The following GRAMD1C variants were observed in gnomAD, a reference collection of about 807,000 sequenced individuals.
GRAMD1C encodes the protein GRAM domain containing 1C.
A neutral mutation model predicts 97.8 loss-of-function variants in GRAMD1C; 89 were observed. The observed-to-expected ratio is 0.91, with a 90% confidence interval of 0.77 to 1.09. GRAMD1C has a LOEUF of 1.09. Among genes scored for constraint, GRAMD1C ranks in the 50% least tolerant of loss-of-function variants. GRAMD1C has a pLI of 0.00. For synonymous variants in GRAMD1C, 256 were observed against 267.0 expected (o/e 0.96, Z 0.40); for missense variants, 740 against 766.4 (o/e 0.97, Z 0.41).
chr3:113,888,081 T>C (rs975911327), intron 6 of GRAMD1C, among the ~76,000 whole-genome samples: 34 of 152,218 alleles, frequency 2.2e-4, no homozygotes, highest in African/African-American at 7.9e-4. Flanking sequence ...ACACCAATCC[T>C]TCACCCAGTA....
chr3:113,915,971 T>G (rs1311390339), intron 10 of GRAMD1C, 133 bp downstream of exon 10: 2 of 661,174 alleles, frequency 3.0e-6, no homozygotes, highest in African/African-American at 3.7e-5. Context: ...GTTGACAGTA[T>G]ATAAACTGGT....
intron 6 of GRAMD1C, chr3:113,885,562 G>C (rs907542226): frequency 3.2e-6 from 5 of 1,575,612 alleles, no homozygotes; most frequent in Admixed American, 3.3e-5. Flanking sequence ...CGGCCTGTTA[G>C]GCCTCCTGAC....
At chr3:113,934,618 A>C in intron 13 of GRAMD1C, 83 bp downstream of exon 13, 1 of 681,864 alleles carries the variant, frequency 1.5e-6, no homozygotes, top group Non-Finnish European at 2.5e-6. Flanking sequence ...TAGATTTGTA[A>C]CAGAAAACTG....
chr3:113,937,186 A>T (rs967427795), intron 14 of GRAMD1C, among the ~76,000 whole-genome samples: 1 of 152,216 alleles, frequency 6.6e-6, no homozygotes, highest in African/African-American at 2.4e-5. Flanking sequence ...TTTTGAACAC[A>T]TCTTACTTTT....
Position 113,882,814 on chromosome 3 carries a change from G to A in GRAMD1C, c.522G>A (p.Gln174=), listed in dbSNP as rs140062638. 8.1e-5 allele frequency: 127 copies of A among 1,571,018 alleles called. No homozygotes were observed. The African/African-American group carries it at 1.4e-3, about 18-fold the overall frequency. The change falls in exon 6 of 18, where the codon CAG becomes CAA. Residue 174 remains glutamine (Q), a synonymous_variant. Coordinates refer to ENST00000358160, the MANE Select transcript of GRAMD1C (RefSeq NM_017577.5). ...RSYLSIFRLW[Q]NVLLDKSLTR... ...ACCTCAGTATCTTTAGGTTGTGGCAGAATGTATTATTAGATAAGGTAAGTG... is the reference window on the plus strand; with the variant it reads ...ACCTCAGTATCTTTAGGTTGTGGCAAAATGTATTATTAGATAAGGTAAGTG...
chr3:113,885,580 T>C, intron 6 of GRAMD1C: 6 of 1,548,754 alleles, frequency 3.9e-6, no homozygotes, highest in Non-Finnish European at 5.4e-6. Flanking sequence ...GACTTCATCC[T>C]CAAGGTGGTA....
At chr3:113,867,628 T>A (rs1934635703) in intron 2 of GRAMD1C, among the ~76,000 whole-genome samples, 1 of 152,102 alleles carries the variant, frequency 6.6e-6, no homozygotes, top group South Asian at 2.1e-4. Flanking sequence ...GTAAAGCAGG[T>A]CTGTTCTCTC....
chr3:113,930,497 T>A (rs12632122), intron 10 of GRAMD1C, among the ~76,000 whole-genome samples: 27,582 of 152,132 alleles, frequency 0.18, 2,705 homozygotes, highest in South Asian at 0.25. Flanking sequence ...AATTTAGAAA[T>A]AAATGGATCA....
At chr3:113,944,937 A>G (rs937100705) in intron 17 of GRAMD1C, among the ~76,000 whole-genome samples, 1 of 152,244 alleles carries the variant, frequency 6.6e-6, no homozygotes, top group African/African-American at 2.4e-5. Flanking sequence ...AGTAGTAAGG[A>G]TAATGCTTTG....
chr3:113,887,607 A>G (rs962299053), intron 6 of GRAMD1C, among the ~76,000 whole-genome samples: 4 of 128,734 alleles, frequency 3.1e-5, no homozygotes. Context: ...AGGCTGAGGC[A>G]GGAGAAAGGA....
At chr3:113,934,298 C>T (rs899702135) in intron 12 of GRAMD1C, 134 bp from the exon 13 acceptor site, 9 of 563,788 alleles carry the variant, frequency 1.6e-5, no homozygotes, top group East Asian at 6.5e-5. Flanking sequence ...TCAATGAACA[C>T]ATTTTCTTTT....
intron 5 of GRAMD1C, among the ~76,000 whole-genome samples, chr3:113,877,597 G>A (rs535552034): frequency 6.6e-6 from 1 of 152,138 alleles, no homozygotes; most frequent in Non-Finnish European, 1.5e-5. Flanking sequence ...AATTTAGGTT[G>A]TGTAATTTTG....
intron 6 of GRAMD1C, among the ~76,000 whole-genome samples, chr3:113,891,736 A>C (rs1935733535): frequency 6.6e-6 from 1 of 151,866 alleles, no homozygotes; most frequent in South Asian, 2.1e-4. Context: ...AGTTAAAAAA[A>C]ATTAGCTAGG....
chr3:113,893,192 A>G (rs1485229287), intron 6 of GRAMD1C, among the ~76,000 whole-genome samples: 1 of 152,096 alleles, frequency 6.6e-6, no homozygotes, highest in Non-Finnish European at 1.5e-5. Flanking sequence ...CGAACCCTGA[A>G]CAGTACTACA....
At chr3:113,848,742 G>A (rs1471980670) in intron 2 of GRAMD1C, among the ~76,000 whole-genome samples, 1 of 152,154 alleles carries the variant, frequency 6.6e-6, no homozygotes, top group South Asian at 2.1e-4. Flanking sequence ...AGGATTTGAG[G>A]TTATGGTGCG....
At chr3:113,872,612 C>G (rs1482078428) in intron 3 of GRAMD1C, among the ~76,000 whole-genome samples, 3 of 150,096 alleles carry the variant, frequency 2.0e-5, no homozygotes, top group Admixed American at 1.3e-4. Flanking sequence ...CCAGGCTGGT[C>G]TTGAACTCCT....
rs753696296 is a variant in GRAMD1C at position 113,844,536 on chromosome 3, G to C, written c.61G>C (p.Asp21His). The change falls in exon 2 of 18, where the codon GAC becomes CAC. Residue 21 changes from aspartate to histidine, a missense_variant. Physicochemically the swap from Asp to His is moderately conservative, Grantham distance 81. Transcript: ENST00000358160. ...TGAAGGGGATTCAAGCCTTGCCACCGACTTACAGGAAGATGTAGAGGAAAA... is the reference window on the plus strand; with the variant it reads ...TGAAGGGGATTCAAGCCTTGCCACCCACTTACAGGAAGATGTAGAGGAAAA... ...MNEGDSSLATDLQEDVEENPS... is the reference protein window; with the variant it reads ...MNEGDSSLATHLQEDVEENPS... 7.5e-6 allele frequency: 12 copies of C among 1,604,492 alleles called. No individual in the cohort carries two copies. In the South Asian group the frequency reaches 7.8e-5, roughly 10 times the overall value.
At position 113,928,020 on chromosome 3, in the gene GRAMD1C, G is replaced by A. The variant is rs1011360331; in HGVS notation, c.1091-2694G>A. On this transcript the variant is annotated intron_variant, in intron 10 of 17. Coordinates refer to ENST00000358160, the MANE Select transcript of GRAMD1C (RefSeq NM_017577.5). ...TGTGGGGGTAGGGCCAGGGGAACCAGGGAATTCTCCCATTACTAGTCTTAC... is the reference window on the plus strand; with the variant it reads ...TGTGGGGGTAGGGCCAGGGGAACCAAGGAATTCTCCCATTACTAGTCTTAC... 2.0e-5 allele frequency among the ~76,000 whole-genome samples: 3 copies of A among 152,162 alleles called. No homozygotes were observed. In the East Asian group the frequency reaches 5.8e-4, roughly 29 times the overall value.
intron 11 of GRAMD1C, 97 bp from the exon 12 acceptor site, chr3:113,933,414 T>G (rs1289839539): frequency 1.2e-6 from 1 of 811,446 alleles, no homozygotes; most frequent in Non-Finnish European, 2.0e-6. Context: ...TTTTTTGTAA[T>G]TTTTGAGAAG....
Sources: gnomAD v4.1 joint callset for allele counts (sites outside exome capture counted in the v4.1 genomes callset) on GRCh38, gnomAD v4.1.1 for gene constraint, MANE v1.5 for transcripts, NCBI Gene and HGNC (gene_info 2026-07-23, HGNC 2026-07-21) for gene names.